ALG9: variants seen among roughly 807,000 people sequenced by gnomAD.
The protein encoded by ALG9 is ALG9 alpha-1,2-mannosyltransferase, also known as alpha-1,2-mannosyltransferase ALG9.
A neutral mutation model predicts 81.8 loss-of-function variants in ALG9; 55 were observed. The ratio of observed to expected loss-of-function variants is 0.67; its 90% CI spans 0.54 to 0.84. The LOEUF (loss-of-function observed/expected upper bound fraction) is 0.84, where lower values mean the gene tolerates loss of function less well. Among genes scored for constraint, ALG9 ranks in the 40% least tolerant of loss-of-function variants. The pLI is 0.00. For missense variants in ALG9, 629 were observed against 745.0 expected (o/e 0.84, Z 1.81); for synonymous variants, 278 against 274.3 (o/e 1.01, Z -0.13).
intron 4 of ALG9, among the ~76,000 whole-genome samples, chr11:111,861,777 T>C (rs1960237376): frequency 6.6e-6 from 1 of 152,172 alleles, no homozygotes; most frequent in Admixed American, 6.6e-5. Flanking sequence ...TTCCTTTTTT[T>C]TTCCCTTTCT....
At chr11:111,786,611 T>A in intron 14 of ALG9, 91 bp from the exon 15 acceptor site, 1 of 1,352,474 alleles carries the variant, frequency 7.4e-7, no homozygotes, top group Non-Finnish European at 1.0e-6. Flanking sequence ...AACTAATCTG[T>A]AGTAAGGATT....
rs1172481570 is a variant in ALG9 at position 111,871,488 on chromosome 11, G to A, written c.-6C>T. ...CGAGCCCCTCGACTAGCCATGGCAA[G>A]CCTGGGGAAAAAAGAATTCGGCACC... On this transcript the variant is annotated 5_prime_UTR_variant, in exon 1 of 15. Transcript: ENST00000616540. The A allele has an allele frequency of 3.3e-6, 5 of 1,536,500 alleles. No individual in the cohort carries two copies. Among genetic ancestry groups the A allele is most frequent in the Admixed American group, 2.0e-5 (1 of 50,970 alleles).
chr11:111,840,851 A>C (rs1218985548), intron 9 of ALG9, 42 bp from the exon 10 acceptor site: 6 of 1,608,100 alleles, frequency 3.7e-6, no homozygotes, highest in Non-Finnish European at 5.1e-6. Context: ...TTATATTAGA[A>C]CAAAACAACA....
chr11:111,859,203 T>C (rs543796461), intron 5 of ALG9, among the ~76,000 whole-genome samples: 28 of 152,280 alleles, frequency 1.8e-4, no homozygotes, highest in African/African-American at 6.5e-4. Context: ...AGCAAGACCT[T>C]GCACTTGAAA....
At chr11:111,810,266 A>G (rs1021538649) in intron 13 of ALG9, among the ~76,000 whole-genome samples, 2 of 152,210 alleles carry the variant, frequency 1.3e-5, no homozygotes, top group African/African-American at 4.8e-5. Context: ...AATATTCAAT[A>G]GAATTTACAG....
downstream of ALG9, among the ~76,000 whole-genome samples, chr11:111,778,019 G>A (rs1473009705): frequency 1.3e-5 from 2 of 152,130 alleles, no homozygotes; most frequent in Non-Finnish European, 2.9e-5. Context: ...GGTAAAATAG[G>A]GTCTTTACTG....
intron 14 of ALG9, among the ~76,000 whole-genome samples, chr11:111,796,788 T>A (rs1455130139): frequency 6.6e-6 from 1 of 152,154 alleles, no homozygotes; most frequent in African/African-American, 2.4e-5. Flanking sequence ...ATTCTTGGCA[T>A]CGCTGAGGAA....
chr11:111,798,133 G>A, intron 14 of ALG9: 1 of 209,896 alleles, frequency 4.8e-6, no homozygotes, highest in Non-Finnish European at 1.0e-5. Context: ...AGTCCAGGAG[G>A]TGGAGGTTGC....
chr11:111,825,640 A>T (rs1953105018), intron 13 of ALG9, among the ~76,000 whole-genome samples: 1 of 152,200 alleles, frequency 6.6e-6, no homozygotes, highest in Non-Finnish European at 1.5e-5. Context: ...CACCTTCTCT[A>T]TGCACATTAT....
chr11:111,849,792 T>G (rs1957479656), intron 8 of ALG9: 1 of 152,254 alleles, frequency 6.6e-6, no homozygotes. Flanking sequence ...TCCATGTCCC[T>G]GCAAAGGACA....
intron 14 of ALG9, among the ~76,000 whole-genome samples, chr11:111,796,691 TAGAC>T (rs779898760): frequency 2.0e-5 from 3 of 152,084 alleles, no homozygotes; most frequent in Admixed American, 6.6e-5. Context: ...CAAAAACTGA[TAGAC>T]AGTGAAACAG....
At chr11:111,853,204 T>C (rs1958104122) in intron 8 of ALG9, among the ~76,000 whole-genome samples, 176 bp downstream of exon 8, 1 of 152,062 alleles carries the variant, frequency 6.6e-6, no homozygotes. Flanking sequence ...AGGAGAAATA[T>C]TTGAGTGGCT....
chr11:111,803,104 T>C (rs1565688536), intron 14 of ALG9, among the ~76,000 whole-genome samples: 1 of 152,170 alleles, frequency 6.6e-6, no homozygotes, highest in Non-Finnish European at 1.5e-5. Flanking sequence ...TTAAATAAAA[T>C]CTCAATCAAA....
At chr11:111,857,812 T>C in intron 5 of ALG9, 75 bp from the exon 6 acceptor site, 1 of 1,542,410 alleles carries the variant, frequency 6.5e-7, no homozygotes, top group Non-Finnish European at 8.9e-7. Flanking sequence ...TAAAAACTGA[T>C]TAAAAATTTA....
rs1426849365 is a variant in ALG9 at position 111,784,583 on chromosome 11, T to C, written c.*1814A>G. ...AAATACATAAATTAGCTGGGCATGA[T>C]GGCGCATGCCTGTAATCCCAGCTAC... On this transcript the variant is annotated 3_prime_UTR_variant, in exon 15 of 15. Coordinates refer to ENST00000616540, the MANE Select transcript of ALG9 (RefSeq NM_024740.2). The C allele has an allele frequency of 6.6e-6, 1 of 152,218 alleles. No homozygotes were observed. Among genetic ancestry groups the C allele is most frequent in the Non-Finnish European group, 1.5e-5 (1 of 68,072 alleles). 9.4% of individuals were successfully genotyped at this position (152,218 alleles called of 1,614,324 possible).
intron 14 of ALG9, among the ~76,000 whole-genome samples, chr11:111,804,917 A>G (rs1273930711): frequency 1.3e-5 from 2 of 152,206 alleles, no homozygotes; most frequent in South Asian, 2.1e-4. Context: ...TGCAAAACTA[A>G]ACAGACTCTT....
At chr11:111,772,802 A>G in the ALG9 span, among the ~76,000 whole-genome samples, 12 of 152,372 alleles carry the variant, frequency 7.9e-5, no homozygotes, top group Middle Eastern at 3.4e-3. Flanking sequence ...TGAAAGAGGT[A>G]CATGACTTAC....
intron 13 of ALG9, among the ~76,000 whole-genome samples, chr11:111,811,234 C>T (rs1056209146): frequency 3.3e-5 from 5 of 152,040 alleles, no homozygotes; most frequent in Admixed American, 1.3e-4. Flanking sequence ...GATGAAAGTG[C>T]TCCATAAAAA....
Position 111,809,473 on chromosome 11 carries a change from G to A in ALG9, c.1733+170C>T, listed in dbSNP as rs191966505. On this transcript the variant is annotated intron_variant, in intron 14 of 14. Coordinates refer to ENST00000616540, the MANE Select transcript of ALG9 (RefSeq NM_024740.2). Reference sequence around the variant, plus strand: ...TGAACCCAGGAGTCAGAGGTTGTGGGGAGTTGAGATCACACCAGCCTGGGC... The same window carrying A: ...TGAACCCAGGAGTCAGAGGTTGTGGAGAGTTGAGATCACACCAGCCTGGGC... 8.9e-5 allele frequency: 63 copies of A among 710,716 alleles called. 1 individual carries two copies. The highest frequency in any genetic ancestry group is 4.1e-4 in the Middle Eastern group (1 of 2,420). 44.0% of individuals were successfully genotyped at this position (710,716 alleles called of 1,614,324 possible).
Sources: allele counts gnomAD v4.1 joint callset (sites outside exome capture counted in the v4.1 genomes callset), GRCh38; gene constraint gnomAD v4.1.1; transcripts MANE v1.5; gene names NCBI Gene and HGNC (gene_info 2026-07-23, HGNC 2026-07-21).